The following PKHD1 variants were observed in gnomAD, a reference collection of about 807,000 sequenced individuals.
PKHD1 encodes the protein fibrocystin.
Under a neutral mutation model 412.0 loss-of-function variants are expected in PKHD1, and 291 were observed. The observed-to-expected ratio is 0.71, with a 90% CI of 0.64 to 0.78. The LOEUF is 0.78. PKHD1 is among the 30% of genes least tolerant of loss of function. The pLI, the probability that PKHD1 is intolerant of heterozygous loss-of-function variation, is 0.00. For missense variants in PKHD1, 4,825 were observed against 4,950.7 expected (o/e 0.97, Z 0.76); for synonymous variants, 1,777 against 1,821.5 (o/e 0.98, Z 0.62).
intron 49 of PKHD1, among the ~76,000 whole-genome samples, chr6:51,848,676 C>G (rs979592560): frequency 2.0e-5 from 3 of 152,148 alleles, no homozygotes; most frequent in Admixed American, 6.5e-5. Context: ...GGCGTACATC[C>G]TTTCTGAAAG....
chr6:51,712,929 C>G (rs1435645018), intron 60 of PKHD1, among the ~76,000 whole-genome samples: 6 of 152,158 alleles, frequency 3.9e-5, no homozygotes, highest in Admixed American at 3.9e-4. Context: ...ATGTGACTGA[C>G]AAAGCTTTAT....
intron 35 of PKHD1, among the ~76,000 whole-genome samples, chr6:51,997,146 T>C (rs1339085303): frequency 6.6e-6 from 1 of 152,174 alleles, no homozygotes; most frequent in African/African-American, 2.4e-5. Flanking sequence ...TCCCATGTGA[T>C]ACGAATAGGA....
At chr6:51,923,757 G>T (rs1254431898) in intron 37 of PKHD1, among the ~76,000 whole-genome samples, 1 of 152,174 alleles carries the variant, frequency 6.6e-6, no homozygotes, top group Admixed American at 6.5e-5. Context: ...CTATAAGCCA[G>T]AAAGCCCCAA....
intron 60 of PKHD1, among the ~76,000 whole-genome samples, chr6:51,688,427 C>T (rs1165984642): frequency 6.6e-6 from 1 of 151,584 alleles, no homozygotes; most frequent in African/African-American, 2.4e-5. Context: ...AACTAGAGAA[C>T]CAAGAGCAAA....
chr6:52,024,151 T>G (rs1454555127), intron 32 of PKHD1, among the ~76,000 whole-genome samples: 2 of 152,176 alleles, frequency 1.3e-5, no homozygotes, highest in Admixed American at 6.5e-5. Flanking sequence ...GAAATATGAG[T>G]CCACCTGTGA....
chr6:51,616,308 A>C lies in PKHD1; in HGVS notation c.*2773T>G, dbSNP rs1766059814. ...AGAAAATCAGCAATGGGAGGCAAGA[A>C]GAGATTCTTTGAACTAACACAGGAA... On this transcript the variant is annotated 3_prime_UTR_variant, in exon 67 of 67. Coordinates refer to ENST00000371117, the MANE Select transcript of PKHD1 (RefSeq NM_138694.4). 1.1e-5 allele frequency: 2 copies of C among 181,274 alleles called. No homozygotes were observed. Among genetic ancestry groups the C allele is most frequent in the Admixed American group, 6.2e-5 (1 of 16,172 alleles). 11.2% of individuals were successfully genotyped at this position (181,274 alleles called of 1,614,324 possible).
chr6:52,056,875 G>T lies in PKHD1; in HGVS notation c.1602+15C>A. 1 of 1,605,664 alleles carries T rather than the reference G, an allele frequency of 6.2e-7. No homozygotes were observed. Among genetic ancestry groups the T allele is most frequent in the South Asian group, 1.1e-5 (1 of 90,910 alleles). On this transcript the variant is annotated intron_variant, in intron 17 of 66. Coordinates refer to ENST00000371117, the MANE Select transcript of PKHD1 (RefSeq NM_138694.4). The stretch of plus-strand genomic sequence containing the variant: ...CTCCCACTCCCCTCCCTCATTTTTT[G>T]AAGAAGTCTCCCACCAGATGGGCTG...
intron 43 of PKHD1, among the ~76,000 whole-genome samples, chr6:51,899,633 T>G (rs954972377): frequency 1.3e-5 from 2 of 151,048 alleles, no homozygotes; most frequent in Non-Finnish European, 3.0e-5. Flanking sequence ...CTCTCACCAC[T>G]CCTATTCAAC....
At chr6:51,699,073 G>C (rs1779119065) in intron 60 of PKHD1, among the ~76,000 whole-genome samples, 1 of 152,168 alleles carries the variant, frequency 6.6e-6, no homozygotes, top group Non-Finnish European at 1.5e-5. Flanking sequence ...AAATCTGAGA[G>C]ATTTTTAATT....
rs1237545613 is a variant in PKHD1 at position 51,616,240 on chromosome 6, T to C, written c.*2841A>G. The stretch of plus-strand genomic sequence containing the variant: ...CAAACACTTTTGAACTCTCTAGAAT[T>C]TTAGCTTGTCCAATCTCTTGAGAGA... On this transcript the variant is annotated 3_prime_UTR_variant, in exon 67 of 67. Transcript: ENST00000371117. 1.3e-5 allele frequency: 2 copies of C among 155,956 alleles called. No homozygotes were observed. The highest frequency in any genetic ancestry group is 2.8e-5 in the Non-Finnish European group (2 of 70,726). The allele number at this position is 155,956 out of a possible 1,614,324, so 9.7% of individuals were successfully genotyped here. A position where few individuals can be genotyped will look rare whatever the true frequency, so the allele number is the denominator to read the frequency against.
intron 38 of PKHD1, 100 bp from the exon 39 acceptor site, chr6:51,912,056 A>G: frequency 1.0e-6 from 1 of 974,416 alleles, no homozygotes; most frequent in Non-Finnish European, 1.6e-6. Context: ...TTGGGGATCT[A>G]TTCATGTTTC....
At chr6:51,684,385 C>T (rs542906838) in intron 60 of PKHD1, among the ~76,000 whole-genome samples, 1 of 152,104 alleles carries the variant, frequency 6.6e-6, no homozygotes, top group South Asian at 2.1e-4. Flanking sequence ...CTGTCTCATA[C>T]AATATCCATG....
intron 52 of PKHD1, among the ~76,000 whole-genome samples, chr6:51,812,979 A>G (rs1222107052): frequency 6.6e-6 from 1 of 152,166 alleles, no homozygotes; most frequent in Non-Finnish European, 1.5e-5. Flanking sequence ...GAATCCACCT[A>G]TGACCTGTAA....
intron 39 of PKHD1, among the ~76,000 whole-genome samples, 181 bp from the exon 40 acceptor site, chr6:51,909,655 T>C (rs562702644): frequency 1.1e-4 from 16 of 152,264 alleles, no homozygotes; most frequent in South Asian, 8.3e-4. Flanking sequence ...AAAGATCTGA[T>C]AAACAGGACA....
rs756198378 is a variant in PKHD1, at chr6:51,619,411, A to T, written c.11895T>A (p.Ala3965=). Residue 3965 remains alanine (A), a synonymous_variant, in exon 67 of 67, where the codon GCT becomes GCA. Transcript: ENST00000371117. ...CAGTAGTACCAGGAGCAGGCACAGCAGCCTCTTCCTCTCGGACAATGTGGC... is the reference window on the plus strand; with the variant it reads ...CAGTAGTACCAGGAGCAGGCACAGCTGCCTCTTCCTCTCGGACAATGTGGC... ...VSRHIVREEE[A]AVPAPGTTGI... 4 of 1,613,634 alleles carry T rather than the reference A, an allele frequency of 2.5e-6. No individual in the cohort carries two copies. The highest frequency in any genetic ancestry group is 3.4e-6 in the Non-Finnish European group (4 of 1,179,540).
At position 51,887,339 on chromosome 6, in the gene PKHD1, TA is replaced by T. The variant is rs1487191990; in HGVS notation, c.6997-95del. The stretch of plus-strand genomic sequence containing the variant: ...CTTGTTTGTACTCATCCCAATTTTA[TA>T]TTCACTTTCTGCCAAAGTACATTAA... On this transcript the variant is annotated intron_variant, in intron 43 of 66. Coordinates refer to ENST00000371117, the MANE Select transcript of PKHD1 (RefSeq NM_138694.4). 1.3e-5 allele frequency: 10 copies of T among 797,730 alleles called. No homozygotes were observed. In the East Asian group the frequency reaches 2.3e-4, roughly 18 times the overall value. 49.4% of individuals were successfully genotyped at this position (797,730 alleles called of 1,614,324 possible).
chr6:51,619,300 G>A lies in PKHD1; in HGVS notation c.12006C>T (p.Gly4002=). The A allele has an allele frequency of 6.2e-7, 1 of 1,614,222 alleles. No individual in the cohort carries two copies. Among genetic ancestry groups the A allele is most frequent in the Non-Finnish European group, 8.5e-7 (1 of 1,180,028 alleles). Residue 4002 remains glycine, a synonymous_variant, in exon 67 of 67, where the codon GGC becomes GGT. Coordinates refer to ENST00000371117, the MANE Select transcript of PKHD1 (RefSeq NM_138694.4). Reference sequence around the variant, plus strand: ...GCTGGTATCTGAGCAACTGCTCTTGGCCCTCCTTCCAGTTCCCAGTCTCTT... The same window carrying A: ...GCTGGTATCTGAGCAACTGCTCTTGACCCTCCTTCCAGTTCCCAGTCTCTT... ...YLQETGNWKE[G]QEQLLRYQLA... is the part of the protein sequence containing the mutation.
In PKHD1 at chr6:52,053,066, T is replaced by A. The variant is rs764919618; in HGVS notation, c.2140+10A>T. On this transcript the variant is annotated intron_variant, in intron 21 of 66. Transcript: ENST00000371117. The stretch of plus-strand genomic sequence containing the variant: ...ACCGGCTTGTGGAGGAGAGAGAATT[T>A]GATGATTACCTGTTACGTTTGTGTC... 1 of 1,613,310 alleles carries A rather than the reference T, an allele frequency of 6.2e-7. No individual in the cohort carries two copies. Among genetic ancestry groups the A allele is most frequent in the African/African-American group, 1.3e-5 (1 of 74,890 alleles).
chr6:51,841,117 T>C (rs781538806), intron 50 of PKHD1, among the ~76,000 whole-genome samples: 6 of 152,228 alleles, frequency 3.9e-5, no homozygotes, highest in Non-Finnish European at 7.3e-5. Flanking sequence ...CAGTGTTAAC[T>C]AAGTATTGTT....
Sources: gnomAD v4.1 joint callset for allele counts (sites outside exome capture counted in the v4.1 genomes callset) on GRCh38, gnomAD v4.1.1 for gene constraint, MANE v1.5 for transcripts, NCBI Gene and HGNC (gene_info 2026-07-23, HGNC 2026-07-21) for gene names.